The following TRAF3IP1 variants were observed in gnomAD, a reference collection of about 807,000 sequenced individuals.
TRAF3IP1 encodes the protein intraflagellar transport 54, also known as TRAF3-interacting protein 1.
TRAF3IP1 carries 53 observed loss-of-function variants against 89.9 expected under a neutral mutation model. That is an observed-to-expected ratio of 0.59 (90% confidence interval 0.47 to 0.74). The LOEUF is 0.74. Ranked by LOEUF, TRAF3IP1 falls within the 30% of genes least tolerant of loss-of-function variation. The pLI, the probability that TRAF3IP1 is intolerant of heterozygous loss-of-function variation, is 0.00. For missense variants in TRAF3IP1, 806 were observed against 866.1 expected (o/e 0.93, Z 0.87); for synonymous variants, 311 against 322.1 (o/e 0.97, Z 0.37).
At position 238,352,903 on chromosome 2, in the gene TRAF3IP1, G is replaced by A; in HGVS notation, c.1528G>A (p.Val510Met). Reference protein sequence around the residue: ...NSDNEEDDQFVVEAAPQLSEM... With the variant: ...NSDNEEDDQFMVEAAPQLSEM... ...TGACAATGAAGAGGATGATCAATTTGTGGTGGAAGCTGCCCCTCAGCTCTC... is the reference window on the plus strand; with the variant it reads ...TGACAATGAAGAGGATGATCAATTTATGGTGGAAGCTGCCCCTCAGCTCTC... Residue 510 changes from valine to methionine, a missense_variant, in exon 13 of 17, where the codon GTG becomes ATG. This residue lies in a region of TRAF3IP1 where 732 missense variants were observed against 780.5 expected (regional missense o/e 0.94). Coordinates refer to ENST00000373327, the MANE Select transcript of TRAF3IP1 (RefSeq NM_015650.4). The A allele has an allele frequency of 6.2e-7, 1 of 1,613,968 alleles. No individual in the cohort carries two copies. Among genetic ancestry groups the A allele is most frequent in the South Asian group, 1.1e-5 (1 of 90,982 alleles).
chr2:238,331,299 T>TAAA (rs61126298), intron 5 of TRAF3IP1, among the ~76,000 whole-genome samples: 7 of 120,036 alleles, frequency 5.8e-5, no homozygotes, highest in East Asian at 2.4e-4. Context: ...CCATCTCTAC[T>TAAA]AAAAAAAAAA....
At chr2:238,377,126 A>G (rs1178226643) in intron 15 of TRAF3IP1, among the ~76,000 whole-genome samples, 1 of 151,286 alleles carries the variant, frequency 6.6e-6, no homozygotes, top group Non-Finnish European at 1.5e-5. Flanking sequence ...AGTCTTAGGC[A>G]TTTAATTCCC....
intron 8 of TRAF3IP1, among the ~76,000 whole-genome samples, chr2:238,339,373 C>T (rs1052882529): frequency 6.6e-6 from 1 of 152,252 alleles, no homozygotes; most frequent in Admixed American, 6.5e-5. Context: ...CCCTGCCATA[C>T]AGGCATGCAT....
chr2:238,344,424 G>A, intron 8 of TRAF3IP1, 73 bp from the exon 9 acceptor site: 2 of 1,196,540 alleles, frequency 1.7e-6, no homozygotes, highest in South Asian at 2.6e-5. Context: ...TGTGCTCTAT[G>A]TTAATGAAGC....
At chr2:238,378,797 C>G (rs961284801) in intron 15 of TRAF3IP1, among the ~76,000 whole-genome samples, 2 of 145,822 alleles carry the variant, frequency 1.4e-5, no homozygotes, top group African/African-American at 2.7e-5. Flanking sequence ...AAGCCGGGAC[C>G]CCCCCCCAGG....
intron 15 of TRAF3IP1, among the ~76,000 whole-genome samples, chr2:238,378,515 A>G (rs1386043192): frequency 6.6e-6 from 1 of 152,232 alleles, no homozygotes; most frequent in Non-Finnish European, 1.5e-5. Flanking sequence ...TTGCCTGGCC[A>G]TCATCTATTA....
chr2:238,383,080 C>G (rs1300217814), intron 15 of TRAF3IP1, among the ~76,000 whole-genome samples: 1 of 152,174 alleles, frequency 6.6e-6, no homozygotes, highest in Non-Finnish European at 1.5e-5. Context: ...CCCTTGGCTT[C>G]CGGAACCTGC....
chr2:238,337,030 A>C (rs1271727550), intron 7 of TRAF3IP1, among the ~76,000 whole-genome samples: 1 of 152,058 alleles, frequency 6.6e-6, no homozygotes, highest in South Asian at 2.1e-4. Context: ...CCTTCTGGCC[A>C]GGGTGGAGAG....
At position 238,345,361 on chromosome 2, in the gene TRAF3IP1, G is replaced by A. The variant is rs901552444; in HGVS notation, c.1261+763G>A. On this transcript the variant is annotated intron_variant, in intron 9 of 16. Coordinates refer to ENST00000373327, the MANE Select transcript of TRAF3IP1 (RefSeq NM_015650.4). This position sits in a 1 kb window ranked among gnomAD's most constrained non-coding sequence, Gnocchi z 4.7. ...GTTTGATGGGGTGGCAGTCTGGGAC[G>A]GGAGGGGCCTTGGTTGGTGAGGGTG... Among the ~76,000 whole-genome samples the A allele has an allele frequency of 2.0e-5, 3 of 152,202 alleles. No individual in the cohort carries two copies. The highest frequency in any genetic ancestry group is 6.5e-5 in the Admixed American group (1 of 15,284).
chr2:238,325,420 A>G (rs1185606238), intron 2 of TRAF3IP1, 46 bp downstream of exon 2: 1 of 1,602,258 alleles, frequency 6.2e-7, no homozygotes. Flanking sequence ...GCCTTAACGG[A>G]TGGGATTTTT....
chr2:238,351,873 G>GCA lies in TRAF3IP1; in HGVS notation c.1452-953_1452-952insAC, dbSNP rs1699183289. On this transcript the variant is annotated intron_variant, in intron 12 of 16. Transcript: ENST00000373327. This position sits in a 1 kb window ranked among gnomAD's most constrained non-coding sequence, Gnocchi z 5.2. ...TGTGTGTGTGTGTGTGTGTGCGCGC[G>GCA]CGCGCGTGTGCGTGCATGTGCTTGT... Among the ~76,000 whole-genome samples the GCA allele has an allele frequency of 6.6e-6, 1 of 151,074 alleles. No homozygotes were observed. Among genetic ancestry groups the GCA allele is most frequent in the African/African-American group, 2.4e-5 (1 of 41,058 alleles).
intron 1 of TRAF3IP1, among the ~76,000 whole-genome samples, chr2:238,324,972 C>G (rs1697747420): frequency 6.6e-6 from 1 of 152,124 alleles, no homozygotes; most frequent in African/African-American, 2.4e-5. Flanking sequence ...TAAGCCTGGT[C>G]CCCATCTAGG....
intron 15 of TRAF3IP1, among the ~76,000 whole-genome samples, chr2:238,377,230 C>CTTTTTTTTTTTTTTTTT (rs71402784): frequency 1.2e-5 from 1 of 86,716 alleles, no homozygotes; most frequent in Non-Finnish European, 2.0e-5. Context: ...TCCTGATTTT[C>CTTTTTTTTTTTTTTTTT]TTTTTTTTTT....
chr2:238,365,405 T>C (rs1699832178), intron 15 of TRAF3IP1, among the ~76,000 whole-genome samples: 1 of 152,192 alleles, frequency 6.6e-6, no homozygotes, highest in African/African-American at 2.4e-5. Flanking sequence ...CCAACGTTTG[T>C]AATCCTAGCA....
intron 5 of TRAF3IP1, among the ~76,000 whole-genome samples, chr2:238,330,352 G>A (rs894122230): frequency 1.3e-5 from 2 of 152,220 alleles, no homozygotes; most frequent in Admixed American, 6.5e-5. Context: ...TTCTCAATGT[G>A]TGAATTCTTT....
chr2:238,333,246 C>T (rs1248980849), intron 6 of TRAF3IP1, among the ~76,000 whole-genome samples: 1 of 152,098 alleles, frequency 6.6e-6, no homozygotes, highest in Non-Finnish European at 1.5e-5. Flanking sequence ...ACCAGACAGA[C>T]GGGGCCAGTG....
At chr2:238,360,884 A>G (rs1467452809) in intron 15 of TRAF3IP1, among the ~76,000 whole-genome samples, 1 of 151,974 alleles carries the variant, frequency 6.6e-6, no homozygotes, top group Non-Finnish European at 1.5e-5. Context: ...CGTCTCAAAA[A>G]AATTTTTTTT....
chr2:238,387,186 G>A (rs1393393308), intron 15 of TRAF3IP1, among the ~76,000 whole-genome samples: 2 of 152,176 alleles, frequency 1.3e-5, no homozygotes, highest in Non-Finnish European at 2.9e-5. Flanking sequence ...AGATCTGTTG[G>A]GCCCCGGTCT....
chr2:238,396,421 C>G (rs1701221076), intron 15 of TRAF3IP1, among the ~76,000 whole-genome samples: 1 of 150,400 alleles, frequency 6.6e-6, no homozygotes, highest in Non-Finnish European at 1.5e-5. Flanking sequence ...GGAGATATAC[C>G]TAATGTTAAA....
Sources: gnomAD v4.1 joint callset for allele counts (sites outside exome capture counted in the v4.1 genomes callset) on GRCh38, gnomAD v4.1.1 for gene constraint, gnomAD v4.1.1 regional missense constraint, Gnocchi (gnomAD v3.1) non-coding constraint, MANE v1.5 for transcripts, NCBI Gene and HGNC (gene_info 2026-07-23, HGNC 2026-07-21) for gene names.